Variants in SUGCT observed in about 807,000 individuals in gnomAD.
The protein encoded by SUGCT is succinyl-CoA:glutarate-CoA transferase.
In SUGCT, 41 loss-of-function variants were observed where a neutral mutation model predicts 55.0. The observed-to-expected ratio is 0.74, with a 90% CI of 0.58 to 0.97. The LOEUF (loss-of-function observed/expected upper bound fraction) is 0.97. Among genes scored for constraint, SUGCT ranks in the 50% least tolerant of loss-of-function variants. SUGCT has a pLI of 0.00. For synonymous variants in SUGCT, 187 were observed against 200.4 expected (o/e 0.93, Z 0.56); for missense variants, 568 against 547.8 (o/e 1.04, Z -0.37).
intron 13 of SUGCT, among the ~76,000 whole-genome samples, chr7:40,859,529 C>G (rs1213751572): frequency 6.6e-6 from 1 of 152,242 alleles, no homozygotes; most frequent in Non-Finnish European, 1.5e-5. Context: ...TCCCCTTACA[C>G]TATAAGCTTC....
At chr7:40,971,172 G>C in the SUGCT span, among the ~76,000 whole-genome samples, 1 of 152,144 alleles carries the variant, frequency 6.6e-6, no homozygotes, top group African/African-American at 2.4e-5. Flanking sequence ...GTGGAAGCAG[G>C]CATGTCACAT....
chr7:40,821,465 A>G (rs543946294), intron 13 of SUGCT, among the ~76,000 whole-genome samples: 1 of 152,262 alleles, frequency 6.6e-6, no homozygotes, highest in Non-Finnish European at 1.5e-5. Flanking sequence ...CTATTCAGGG[A>G]TTCAACTTCT....
chr7:40,343,719 C>T (rs1797168549), intron 9 of SUGCT, among the ~76,000 whole-genome samples: 1 of 151,934 alleles, frequency 6.6e-6, no homozygotes, highest in Non-Finnish European at 1.5e-5. Flanking sequence ...TGCAGTGGCG[C>T]AATCTCGGCT....
the SUGCT span, among the ~76,000 whole-genome samples, chr7:40,956,022 C>T: frequency 1.4e-4 from 22 of 152,076 alleles, no homozygotes; most frequent in Non-Finnish European, 4.4e-5. Flanking sequence ...CTGCTGGATT[C>T]GGTTTGTCAA....
chr7:40,407,988 A>G (rs1352756708), intron 9 of SUGCT, among the ~76,000 whole-genome samples: 1 of 152,096 alleles, frequency 6.6e-6, no homozygotes, highest in Non-Finnish European at 1.5e-5. Flanking sequence ...GATGCCGCCA[A>G]GCTTCTCCAA....
At chr7:40,556,796 C>T (rs893593121) in intron 12 of SUGCT, among the ~76,000 whole-genome samples, 2 of 152,052 alleles carry the variant, frequency 1.3e-5, no homozygotes, top group African/African-American at 4.8e-5. Flanking sequence ...GTTTCTGGCA[C>T]ATAATAAGTG....
intron 8 of SUGCT, among the ~76,000 whole-genome samples, chr7:40,314,425 T>C (rs1178093947): frequency 6.6e-6 from 1 of 152,102 alleles, no homozygotes; most frequent in Non-Finnish European, 1.5e-5. Flanking sequence ...TTCGCCATGA[T>C]TTATTTGAAT....
At chr7:40,192,563 C>T (rs980561037) in intron 5 of SUGCT, among the ~76,000 whole-genome samples, 1 of 151,646 alleles carries the variant, frequency 6.6e-6, no homozygotes, top group Non-Finnish European at 1.5e-5. Flanking sequence ...TCTCATTTAT[C>T]CTATGCCTAG....
chr7:40,944,245 A>G, the SUGCT span, among the ~76,000 whole-genome samples: 2 of 151,856 alleles, frequency 1.3e-5, no homozygotes, highest in Non-Finnish European at 2.9e-5. Flanking sequence ...GTTCACTCTG[A>G]TGGTAGTTTC....
At chr7:40,812,838 T>C (rs1313728347) in intron 13 of SUGCT, among the ~76,000 whole-genome samples, 2 of 152,264 alleles carry the variant, frequency 1.3e-5, no homozygotes, top group African/African-American at 2.4e-5. Context: ...TTCTAACCTT[T>C]TGAGGTAGGT....
At chr7:40,737,870 G>C (rs1052536009) in intron 12 of SUGCT, among the ~76,000 whole-genome samples, 24 of 151,932 alleles carry the variant, frequency 1.6e-4, no homozygotes, top group African/African-American at 5.6e-4. Context: ...GTTGCAGTGA[G>C]CCAAGATGGT....
At chr7:40,466,787 C>T (rs1005488526) in intron 11 of SUGCT, among the ~76,000 whole-genome samples, 1 of 152,110 alleles carries the variant, frequency 6.6e-6, no homozygotes, top group East Asian at 1.9e-4. Context: ...GAACCTGTAT[C>T]GTGGTCATAC....
At chr7:40,195,629 T>C (rs541751318) in intron 6 of SUGCT, among the ~76,000 whole-genome samples, 70 of 152,196 alleles carry the variant, frequency 4.6e-4, no homozygotes, top group Admixed American at 1.8e-3. Context: ...TTTGCTAAGT[T>C]TTATGTTGAT....
chr7:40,950,129 C>T, the SUGCT span, among the ~76,000 whole-genome samples: 7 of 152,170 alleles, frequency 4.6e-5, no homozygotes, highest in Admixed American at 6.6e-5. Context: ...TCTTCTATTT[C>T]ATTGAGCAGT....
chr7:40,385,540 G>C (rs920149541), intron 9 of SUGCT, among the ~76,000 whole-genome samples: 3 of 152,170 alleles, frequency 2.0e-5, no homozygotes, highest in Non-Finnish European at 4.4e-5. Flanking sequence ...GTAGGATTTT[G>C]GCATGATCTT....
chr7:40,698,831 C>T (rs1785052244), intron 12 of SUGCT, among the ~76,000 whole-genome samples: 1 of 152,112 alleles, frequency 6.6e-6, no homozygotes, highest in Non-Finnish European at 1.5e-5. Flanking sequence ...GGTATAGGCT[C>T]AAGGGCCAGT....
At chr7:40,207,569 C>T (rs1021660876) in intron 6 of SUGCT, among the ~76,000 whole-genome samples, 1 of 152,178 alleles carries the variant, frequency 6.6e-6, no homozygotes, top group African/African-American at 2.4e-5. Context: ...GTAATCCCAG[C>T]ACTTTGGGAG....
chr7:40,990,288 ATT>A, the SUGCT span, among the ~76,000 whole-genome samples: 1 of 152,258 alleles, frequency 6.6e-6, no homozygotes, highest in African/African-American at 2.4e-5. Flanking sequence ...GAGCAGTAAC[ATT>A]TTATTAGTTT....
chr7:40,715,549 CT>C (rs1562960903), intron 12 of SUGCT, among the ~76,000 whole-genome samples: 2 of 152,104 alleles, frequency 1.3e-5, no homozygotes, highest in Non-Finnish European at 1.5e-5. Flanking sequence ...TTTGCCCCCC[CT>C]CATGTGTTTT....
Sources: gnomAD v4.1 joint callset for allele counts (sites outside exome capture counted in the v4.1 genomes callset) on GRCh38, gnomAD v4.1.1 for gene constraint, MANE v1.5 for transcripts, NCBI Gene and HGNC (gene_info 2026-07-23, HGNC 2026-07-21) for gene names.